Variants in ACACA observed in about 807,000 individuals in gnomAD.
The protein encoded by ACACA is acetyl-CoA carboxylase alpha, also known as acetyl-CoA carboxylase 1.
ACACA carries 103 observed loss-of-function variants against 296.1 expected under a neutral mutation model. The observed-to-expected ratio is 0.35, with a 90% CI of 0.30 to 0.41. The LOEUF (loss-of-function observed/expected upper bound fraction) is 0.41, where lower values mean the gene tolerates loss of function less well. Ranked by LOEUF, ACACA falls within the 10% of genes least tolerant of loss-of-function variation. The pLI is 1.00. For synonymous variants in ACACA, 953 were observed against 1,038.6 expected (o/e 0.92, Z 1.58); for missense variants, 1,554 against 2,989.7 (o/e 0.52, Z 11.20).
intron 27 of ACACA, among the ~76,000 whole-genome samples, chr17:37,224,383 A>G (rs986059887): frequency 6.6e-6 from 1 of 152,184 alleles, no homozygotes; most frequent in African/African-American, 2.4e-5. Context: ...TGGGCCAGAT[A>G]TAACAATGGT....
chr17:37,352,782 T>C (rs947660346), intron 1 of ACACA, among the ~76,000 whole-genome samples: 1 of 152,222 alleles, frequency 6.6e-6, no homozygotes, highest in Non-Finnish European at 1.5e-5. Flanking sequence ...TTATTTTTTT[T>C]GCCTTCAAGT....
intron 3 of ACACA, among the ~76,000 whole-genome samples, chr17:37,310,793 CAAAAAAAA>C (rs74268026): frequency 7.9e-5 from 4 of 50,510 alleles, no homozygotes; most frequent in African/African-American, 3.3e-4. Flanking sequence ...GACACCATCT[CAAAAAAAA>C]AAAAAAAAAA....
chr17:37,334,678 T>C (rs545035803), intron 2 of ACACA, among the ~76,000 whole-genome samples: 3 of 151,890 alleles, frequency 2.0e-5, no homozygotes, highest in African/African-American at 7.2e-5. Context: ...GGCCCTCCCT[T>C]ATCATATTTT....
intron 23 of ACACA, among the ~76,000 whole-genome samples, chr17:37,241,199 A>AT: frequency 6.6e-6 from 1 of 151,134 alleles, no homozygotes; most frequent in East Asian, 2.0e-4. Context: ...TGTCTCCAAA[A>AT]AAAATAAATA....
intron 39 of ACACA, among the ~76,000 whole-genome samples, chr17:37,185,486 T>C (rs945070301): frequency 6.9e-6 from 1 of 145,628 alleles, no homozygotes; most frequent in African/African-American, 2.5e-5. Flanking sequence ...CCTGGGCTCA[T>C]GTGATCCTCC....
intron 3 of ACACA, among the ~76,000 whole-genome samples, chr17:37,327,684 A>G (rs1290284191): frequency 6.6e-6 from 1 of 152,240 alleles, no homozygotes; most frequent in Non-Finnish European, 1.5e-5. Flanking sequence ...CAGCAAATGG[A>G]TATTATGTTT....
intron 39 of ACACA, among the ~76,000 whole-genome samples, chr17:37,187,012 T>C (rs1309986710): frequency 6.6e-6 from 1 of 152,204 alleles, no homozygotes; most frequent in Non-Finnish European, 1.5e-5. Flanking sequence ...GAAGCTATTG[T>C]AGAAGTTAAT....
At position 37,226,375 on chromosome 17, in the gene ACACA, C is replaced by T. The variant is rs1186036430; in HGVS notation, c.3324G>A (p.Lys1108=). 6 of 1,614,148 alleles carry T rather than the reference C, an allele frequency of 3.7e-6. No individual in the cohort carries two copies. The highest frequency in any genetic ancestry group is 2.2e-5 in the East Asian group (1 of 44,884). The change falls in exon 26 of 56, where the codon AAG becomes AAA. Residue 1108 remains lysine (K), a synonymous_variant. Coordinates refer to ENST00000616317, the MANE Select transcript of ACACA (RefSeq NM_198834.3). ...NILTELTQLS[K]TTNAKVALRA... is the part of the protein sequence containing the mutation. ...GAAGTGCTACTTTGGCATTGGTGGTCTTACTGAGTTGAGTTAGCTCTGTGA... is the reference window on the plus strand; with the variant it reads ...GAAGTGCTACTTTGGCATTGGTGGTTTTACTGAGTTGAGTTAGCTCTGTGA...
intron 3 of ACACA, among the ~76,000 whole-genome samples, chr17:37,319,753 C>T (rs2047259176): frequency 6.6e-6 from 1 of 151,978 alleles, no homozygotes; most frequent in Non-Finnish European, 1.5e-5. Context: ...GAGTTCAAAA[C>T]CAGCCTGGCC....
chr17:37,336,877 A>AC (rs2048143138), intron 2 of ACACA, among the ~76,000 whole-genome samples: 2 of 152,164 alleles, frequency 1.3e-5, no homozygotes, highest in Admixed American at 6.6e-5. Flanking sequence ...TTTGGGAATC[A>AC]CCACTCAACA....
At chr17:37,319,153 T>C (rs1227701219) in intron 3 of ACACA, among the ~76,000 whole-genome samples, 8 of 151,810 alleles carry the variant, frequency 5.3e-5, no homozygotes, top group African/African-American at 1.5e-4. Flanking sequence ...AGGTGGGGGG[T>C]GGTAATGTGA....
Position 37,210,490 on chromosome 17 carries a change from T to C in ACACA, c.3684A>G (p.Arg1228=). ...ACCTGTTTAGCGTAGGGATGTTCCC[T>C]CTGTAATTAAACAACCACAGTTAGT... The part of the protein sequence containing the change: ...QFMLPTSHPN[R]GNIPTLNRMS... The change falls in exon 30 of 56, where the codon AGA becomes AGG. Residue 1228 remains arginine (R), a splice_region_variant and synonymous_variant. Transcript: ENST00000616317. 6.2e-7 allele frequency: 1 copy of C among 1,612,446 alleles called. No individual in the cohort carries two copies. The highest frequency in any genetic ancestry group is 8.5e-7 in the Non-Finnish European group (1 of 1,178,622).
chr17:37,309,036 T>C (rs1376638546), intron 3 of ACACA, among the ~76,000 whole-genome samples: 1 of 152,218 alleles, frequency 6.6e-6, no homozygotes, highest in Non-Finnish European at 1.5e-5. Context: ...TTATTTACTT[T>C]GTAGAGACAG....
At chr17:37,382,750 C>T (rs777645487) in intron 1 of ACACA, among the ~76,000 whole-genome samples, 23 of 152,194 alleles carry the variant, frequency 1.5e-4, no homozygotes, top group Admixed American at 1.4e-3. Flanking sequence ...GTCCTAGCTA[C>T]TCAGGAGGCT....
At position 37,185,402 on chromosome 17, in the gene ACACA, C is replaced by CTTTTTTTTTTTTTTTTT. The variant is rs67821579; in HGVS notation, c.4776+2858_4776+2874dup. On this transcript the variant is annotated intron_variant, in intron 39 of 55. Transcript: ENST00000616317. ...TGCATGACACCATGCCTGGCTATTT[C>CTTTTTTTTTTTTTTTTT]TTTTTTTTTTTTTTTTTTTTTTTTT... 3.9e-4 allele frequency among the ~76,000 whole-genome samples: 19 copies of CTTTTTTTTTTTTTTTTT among 48,438 alleles called. 2 individuals carry two copies. The highest frequency in any genetic ancestry group is 1.8e-3 in the African/African-American group (19 of 10,846). The allele number at this position is 48,438 out of a possible 152,430, so 31.8% of individuals were successfully genotyped here.
At position 37,149,830 on chromosome 17, in the gene ACACA, C is replaced by T. The variant is rs142888862; in HGVS notation, c.5679+34G>A. On this transcript the variant is annotated intron_variant, in intron 45 of 55. Transcript: ENST00000616317. ...AATTCACACAATAATCTTCAATCAG[C>T]TATGCATACTTCTTCAAAACCCTAG... 6.9e-5 allele frequency: 106 copies of T among 1,539,228 alleles called. No individual in the cohort carries two copies. The African/African-American group carries it at 1.3e-3, about 18-fold the overall frequency.
chr17:37,115,896 T>C (rs927183574), intron 50 of ACACA, among the ~76,000 whole-genome samples: 4 of 152,196 alleles, frequency 2.6e-5, no homozygotes, highest in African/African-American at 9.6e-5. Flanking sequence ...GTGAGTAAAC[T>C]GAGGCTTAAA....
intron 39 of ACACA, among the ~76,000 whole-genome samples, chr17:37,182,554 C>A (rs1302880203): frequency 6.6e-6 from 1 of 152,018 alleles, no homozygotes; most frequent in Non-Finnish European, 1.5e-5. Flanking sequence ...ATAAAGGATG[C>A]CATTATTTCA....
chr17:37,309,118 C>A (rs1399579716), intron 3 of ACACA, among the ~76,000 whole-genome samples: 1 of 152,076 alleles, frequency 6.6e-6, no homozygotes, highest in African/African-American at 2.4e-5. Context: ...CTCTTGGGGG[C>A]TCAAACAGTC....
Sources: allele counts gnomAD v4.1 joint callset (sites outside exome capture counted in the v4.1 genomes callset), GRCh38; gene constraint gnomAD v4.1.1; transcripts MANE v1.5; gene names NCBI Gene and HGNC (gene_info 2026-07-23, HGNC 2026-07-21).